Variants in ANKS1B observed in about 807,000 individuals in gnomAD.
ANKS1B encodes ankyrin repeat and sterile alpha motif domain containing 1B.
ANKS1B carries 36 observed loss-of-function variants against 148.3 expected under a neutral mutation model. The observed-to-expected ratio is 0.24, with a 90% CI of 0.19 to 0.32. The LOEUF is 0.32. Ranked by LOEUF, ANKS1B falls within the 10% of genes least tolerant of loss-of-function variation. The pLI, the probability that ANKS1B is intolerant of heterozygous loss-of-function variation, is 1.00. For missense variants in ANKS1B, 1,157 were observed against 1,542.6 expected (o/e 0.75, Z 4.19); for synonymous variants, 542 against 560.8 (o/e 0.97, Z 0.47).
intron 17 of ANKS1B, among the ~76,000 whole-genome samples, chr12:98,975,981 A>C (rs1217881463): frequency 6.6e-6 from 1 of 152,222 alleles, no homozygotes; most frequent in Non-Finnish European, 1.5e-5. Flanking sequence ...CCAAAGCATG[A>C]ACTTGACAAC....
At chr12:98,739,796 CATA>C (rs376039666), downstream of ANKS1B, among the ~76,000 whole-genome samples, 472 of 152,256 alleles carry the variant, frequency 3.1e-3, 4 homozygotes, top group African/African-American at 0.011. Context: ...CAATAAACAG[CATA>C]ATACTTATCT....
chr12:99,095,345 T>G (rs953926017), intron 15 of ANKS1B, among the ~76,000 whole-genome samples: 3 of 152,180 alleles, frequency 2.0e-5, no homozygotes, highest in African/African-American at 7.2e-5. Context: ...GAAGTTGTCA[T>G]TGGGGAACTT....
chr12:99,189,497 G>T (rs550538861), intron 14 of ANKS1B, among the ~76,000 whole-genome samples: 2 of 152,254 alleles, frequency 1.3e-5, no homozygotes, highest in East Asian at 1.9e-4. Flanking sequence ...TATCTACCAC[G>T]ATCAAGTTGG....
intron 8 of ANKS1B, among the ~76,000 whole-genome samples, chr12:99,747,184 T>C (rs1567768952): frequency 6.6e-6 from 1 of 152,090 alleles, no homozygotes; most frequent in Admixed American, 6.6e-5. Context: ...AAGCTCCTTT[T>C]TCAAACCTCC....
intron 15 of ANKS1B, among the ~76,000 whole-genome samples, chr12:99,107,307 G>A (rs563361823): frequency 1.8e-4 from 28 of 152,066 alleles, no homozygotes; most frequent in Admixed American, 1.4e-3. Flanking sequence ...TTGCGGTGCC[G>A]TGTAGAAGTG....
At chr12:99,719,040 G>C (rs572316971) in intron 8 of ANKS1B, among the ~76,000 whole-genome samples, 3 of 152,240 alleles carry the variant, frequency 2.0e-5, no homozygotes, top group African/African-American at 7.2e-5. Flanking sequence ...CCTAGGCATG[G>C]TTAGTGCAGT....
At chr12:99,550,225 C>T (rs999411822) in intron 9 of ANKS1B, among the ~76,000 whole-genome samples, 2 of 152,302 alleles carry the variant, frequency 1.3e-5, no homozygotes, top group Admixed American at 1.3e-4. Context: ...GAATCACAGA[C>T]ATGTTGTTTA....
intron 9 of ANKS1B, chr12:99,648,727 G>T: frequency 6.2e-7 from 1 of 1,613,916 alleles, no homozygotes; most frequent in Non-Finnish European, 8.5e-7. Context: ...TGATACCAGG[G>T]CTATCCTAGC....
chr12:99,506,710 A>G (rs767254977), intron 9 of ANKS1B, among the ~76,000 whole-genome samples: 2 of 152,072 alleles, frequency 1.3e-5, no homozygotes, highest in African/African-American at 2.4e-5. Context: ...ACTAATGTTT[A>G]TAAGTCAAGA....
At chr12:99,493,488 G>A (rs942493003) in intron 10 of ANKS1B, among the ~76,000 whole-genome samples, 4 of 148,824 alleles carry the variant, frequency 2.7e-5, no homozygotes, top group Non-Finnish European at 4.4e-5. Flanking sequence ...TAATAGTCCA[G>A]GACAGTTATT....
chr12:99,616,729 G>GTCCA (rs1235236958), intron 9 of ANKS1B, among the ~76,000 whole-genome samples: 5 of 152,100 alleles, frequency 3.3e-5, no homozygotes, highest in Non-Finnish European at 7.4e-5. Flanking sequence ...ACATAGACAT[G>GTCCA]GGCAAAGACT....
intron 10 of ANKS1B, among the ~76,000 whole-genome samples, chr12:99,490,095 T>C (rs1335936168): frequency 6.6e-6 from 1 of 152,216 alleles, no homozygotes; most frequent in East Asian, 1.9e-4. Flanking sequence ...AGCCTCTCTG[T>C]TACCCTATGT....
intron 12 of ANKS1B, among the ~76,000 whole-genome samples, chr12:99,319,450 T>C (rs1038609887): frequency 2.6e-5 from 4 of 152,242 alleles, no homozygotes; most frequent in Non-Finnish European, 5.9e-5. Context: ...CTTTTGATCT[T>C]TGTTGGTTTA....
chr12:99,590,666 T>C (rs917520873), intron 9 of ANKS1B, among the ~76,000 whole-genome samples: 4 of 152,200 alleles, frequency 2.6e-5, no homozygotes, highest in African/African-American at 9.6e-5. Flanking sequence ...GAGGAAGAAC[T>C]AGCCAGGTGA....
chr12:99,328,530 A>G (rs1412058882), intron 12 of ANKS1B, among the ~76,000 whole-genome samples: 1 of 152,014 alleles, frequency 6.6e-6, no homozygotes, highest in Non-Finnish European at 1.5e-5. Context: ...CCTCAACAGC[A>G]GGAAATAATT....
At chr12:99,872,549 T>C (rs1371454104) in intron 1 of ANKS1B, among the ~76,000 whole-genome samples, 1 of 152,072 alleles carries the variant, frequency 6.6e-6, no homozygotes, top group African/African-American at 2.4e-5. Context: ...AATAAGGACT[T>C]GATATTTAGA....
At chr12:98,812,312 T>G (rs1282145316) in intron 19 of ANKS1B, among the ~76,000 whole-genome samples, 1 of 152,178 alleles carries the variant, frequency 6.6e-6, no homozygotes, top group African/African-American at 2.4e-5. Context: ...TCACCTACAG[T>G]ATTCAGTATA....
At chr12:98,991,164 A>G (rs1163444480) in intron 17 of ANKS1B, among the ~76,000 whole-genome samples, 3 of 152,334 alleles carry the variant, frequency 2.0e-5, no homozygotes, top group African/African-American at 7.2e-5. Context: ...AACTGTGATC[A>G]AAATTATGGG....
intron 17 of ANKS1B, among the ~76,000 whole-genome samples, chr12:98,929,373 A>G (rs2099811777): frequency 6.6e-6 from 1 of 152,042 alleles, no homozygotes; most frequent in Admixed American, 6.6e-5. Flanking sequence ...TACAGATTCA[A>G]TCCAATACCT....
Sources: allele counts gnomAD v4.1 joint callset (sites outside exome capture counted in the v4.1 genomes callset), GRCh38; gene constraint gnomAD v4.1.1; transcripts MANE v1.5; gene names NCBI Gene and HGNC (gene_info 2026-07-23, HGNC 2026-07-21).